The following P2RX7 variants were observed in gnomAD, a reference collection of about 807,000 sequenced individuals.
P2RX7 encodes P2X purinoceptor 7.
P2RX7 carries 62 observed loss-of-function variants against 71.6 expected under a neutral mutation model. The ratio of observed to expected loss-of-function variants is 0.87; its 90% CI spans 0.71 to 1.07. P2RX7 has a LOEUF of 1.07. P2RX7 is among the 50% of genes least tolerant of loss of function. The pLI is 0.00. For missense variants in P2RX7, 686 were observed against 748.5 expected (o/e 0.92, Z 0.97); for synonymous variants, 299 against 283.3 (o/e 1.06, Z -0.56).
chr12:121,162,989 A>G (rs1487034960), intron 5 of P2RX7, among the ~76,000 whole-genome samples: 2 of 152,044 alleles, frequency 1.3e-5, no homozygotes, highest in Non-Finnish European at 2.9e-5. Flanking sequence ...GGGGGAAGGA[A>G]GTTTTCTCAG....
chr12:121,136,648 T>TTTA (rs1491246080), intron 1 of P2RX7, among the ~76,000 whole-genome samples: 1 of 78,950 alleles, frequency 1.3e-5, no homozygotes, highest in Non-Finnish European at 2.2e-5. Flanking sequence ...TCTTTCTTTC[T>TTTA]TTTTTTTTTT....
chr12:121,166,812 T>A (rs1881129590), intron 7 of P2RX7, among the ~76,000 whole-genome samples: 1 of 149,038 alleles, frequency 6.7e-6, no homozygotes, highest in African/African-American at 2.5e-5. Context: ...GAGGCTGAGG[T>A]GGGTGGATCA....
intron 5 of P2RX7, among the ~76,000 whole-genome samples, chr12:121,164,148 A>G (rs1207109245): frequency 1.3e-5 from 2 of 152,176 alleles, no homozygotes; most frequent in Admixed American, 1.3e-4. Context: ...CAACTCACTC[A>G]TTAAATAAAC....
At chr12:121,144,849 A>G (rs1875793513) in intron 1 of P2RX7, among the ~76,000 whole-genome samples, 1 of 152,176 alleles carries the variant, frequency 6.6e-6, no homozygotes, top group Non-Finnish European at 1.5e-5. Context: ...GATGAGTCAA[A>G]GAGTGCACCA....
intron 1 of P2RX7, among the ~76,000 whole-genome samples, chr12:121,143,042 C>T (rs1433429847): frequency 1.3e-5 from 2 of 150,836 alleles, no homozygotes; most frequent in African/African-American, 4.9e-5. Context: ...GATTATGCCA[C>T]TGCACTTCCA....
rs368885357 is a variant in P2RX7, at chr12:121,177,262, G to T, written c.1039-35G>T. 3 of 1,614,028 alleles carry T rather than the reference G, an allele frequency of 1.9e-6. No individual in the cohort carries two copies. The African/African-American group carries it at 4.0e-5, about 22-fold the overall frequency. On this transcript the variant is annotated intron_variant, in intron 10 of 12. Coordinates refer to ENST00000328963, the MANE Select transcript of P2RX7 (RefSeq NM_002562.6). ...TTAGGAAAATGGTTTGGAGAAGGAAGTGACTAACGCAGCGCTTGTCTGCAT... is the reference window on the plus strand; with the variant it reads ...TTAGGAAAATGGTTTGGAGAAGGAATTGACTAACGCAGCGCTTGTCTGCAT...
At chr12:121,168,439 T>C (rs528620007) in intron 8 of P2RX7, among the ~76,000 whole-genome samples, 31 of 152,174 alleles carry the variant, frequency 2.0e-4, no homozygotes, top group Non-Finnish European at 3.8e-4. Context: ...CAGCTAATTT[T>C]TGTATATTCA....
Position 121,149,209 on chromosome 12 carries a change from C to T in P2RX7, c.126-5576C>T, listed in dbSNP as rs550161978. 1.7e-5 allele frequency: 6 copies of T among 347,934 alleles called. No homozygotes were observed. The highest frequency in any genetic ancestry group is 4.4e-5 in the African/African-American group (2 of 45,620). The allele number at this position is 347,934 out of a possible 1,614,324, so 21.6% of individuals were successfully genotyped here. A position where few individuals can be genotyped will look rare whatever the true frequency, so the allele number is the denominator to read the frequency against. On this transcript the variant is annotated intron_variant, in intron 1 of 12. Transcript: ENST00000328963. The surrounding 1 kb of genome is among the most constrained non-coding windows in gnomAD (Gnocchi z 4.7). The stretch of plus-strand genomic sequence containing the variant: ...CACCTTCATCTCCATCTGGTGGGTC[C>T]AGAGCAAGCAGCCTCAGGGTCCCAT...
intron 3 of P2RX7, among the ~76,000 whole-genome samples, chr12:121,159,771 G>A (rs925182421): frequency 6.6e-6 from 1 of 151,920 alleles, no homozygotes; most frequent in Non-Finnish European, 1.5e-5. Flanking sequence ...CATTTTCTTG[G>A]GCCAGGCGAG....
chr12:121,174,067 T>G lies in P2RX7; in HGVS notation c.882-1321T>G, dbSNP rs1194492220. Among the ~76,000 whole-genome samples the G allele has an allele frequency of 2.5e-5, 3 of 121,884 alleles. No homozygotes were observed. The Admixed American group carries it at 2.7e-4, about 11-fold the overall frequency. 80.0% of individuals were successfully genotyped at this position (121,884 alleles called of 152,430 possible). ...TCTTTTCTTTTTTTTTTTTTTTTTT[T>G]GAGACAGTCTTGCTCTGTCACCCAG... On this transcript the variant is annotated intron_variant, in intron 8 of 12. Transcript: ENST00000328963.
chr12:121,136,285 G>A (rs1400411564), intron 1 of P2RX7, among the ~76,000 whole-genome samples: 1 of 151,234 alleles, frequency 6.6e-6, no homozygotes, highest in East Asian at 1.9e-4. Context: ...CAGGTGATGG[G>A]ACTTCCTGAC....
chr12:121,141,156 G>T (rs765465052), intron 1 of P2RX7, among the ~76,000 whole-genome samples: 1 of 152,148 alleles, frequency 6.6e-6, no homozygotes, highest in African/African-American at 2.4e-5. Context: ...CCATCTATCC[G>T]CATCCTTTTT....
At chr12:121,163,937 G>T (rs925580513) in intron 5 of P2RX7, among the ~76,000 whole-genome samples, 7 of 152,092 alleles carry the variant, frequency 4.6e-5, no homozygotes, top group African/African-American at 1.4e-4. Context: ...ATGCCGGGAT[G>T]GGGGGTGCGC....
intron 8 of P2RX7, among the ~76,000 whole-genome samples, chr12:121,169,861 G>A (rs530438572): frequency 3.9e-5 from 6 of 152,290 alleles, no homozygotes; most frequent in Non-Finnish European, 5.9e-5. Context: ...GCAGTGAACC[G>A]TGGTTGTGCC....
intron 7 of P2RX7, 56 bp from the exon 8 acceptor site, chr12:121,167,432 C>T (rs1466243734): frequency 3.1e-6 from 5 of 1,593,718 alleles, no homozygotes; most frequent in African/African-American, 1.4e-5. Context: ...AGATGTCTGG[C>T]GGTTGCGTAA....
chr12:121,181,675 G>A (rs996828330), intron 12 of P2RX7, among the ~76,000 whole-genome samples: 2 of 151,948 alleles, frequency 1.3e-5, no homozygotes, highest in African/African-American at 2.4e-5. Context: ...GACCAACATG[G>A]AGAAACCCCA....
Position 121,149,922 on chromosome 12 carries a change from G to A in P2RX7, c.126-4863G>A, listed in dbSNP as rs1007531641. Among the ~76,000 whole-genome samples the A allele has an allele frequency of 6.6e-6, 1 of 152,084 alleles. No individual in the cohort carries two copies. The highest frequency in any genetic ancestry group is 1.5e-5 in the Non-Finnish European group (1 of 68,012). ...AAATCCCTAGGTCCTTCACACTCCC[G>A]TTAGCTCCAGGTACCAGCGGCTTTG... is the stretch of plus-strand genomic sequence containing the variant. On this transcript the variant is annotated intron_variant, in intron 1 of 12. Transcript: ENST00000328963. This position sits in a 1 kb window ranked among gnomAD's most constrained non-coding sequence, Gnocchi z 4.7.
chr12:121,136,022 AAAT>A (rs1873503461), intron 1 of P2RX7, among the ~76,000 whole-genome samples: 7 of 47,034 alleles, frequency 1.5e-4, no homozygotes, highest in African/African-American at 3.0e-4. Flanking sequence ...AAAAAAAAAA[AAAT>A]ATATATATAT....
At chr12:121,167,337 T>C (rs923165825) in intron 7 of P2RX7, 151 bp from the exon 8 acceptor site, 1 of 789,732 alleles carries the variant, frequency 1.3e-6, no homozygotes, top group South Asian at 1.7e-5. Flanking sequence ...CAATAACACT[T>C]GTGCGAGTTA....
Sources: allele counts gnomAD v4.1 joint callset (sites outside exome capture counted in the v4.1 genomes callset), GRCh38; gene constraint gnomAD v4.1.1; non-coding constraint Gnocchi (gnomAD v3.1); transcripts MANE v1.5; gene names NCBI Gene and HGNC (gene_info 2026-07-23, HGNC 2026-07-21).